LRMDA: variants seen among roughly 807,000 people sequenced by gnomAD.
LRMDA encodes the protein leucine-rich melanocyte differentiation-associated protein.
In LRMDA, 18 loss-of-function variants were observed where a neutral mutation model predicts 29.8. That is an observed-to-expected ratio of 0.60 (90% CI 0.42 to 0.90). LRMDA has a LOEUF of 0.90. Ranked by LOEUF, LRMDA falls within the 40% of genes least tolerant of loss-of-function variation. The pLI is 0.00. For synonymous variants in LRMDA, 125 were observed against 109.4 expected (o/e 1.14, Z -0.89); for missense variants, 273 against 273.9 (o/e 1.00, Z 0.02).
intron 6 of LRMDA, among the ~76,000 whole-genome samples, chr10:76,510,492 T>A (rs982281003): frequency 1.3e-5 from 2 of 152,150 alleles, no homozygotes; most frequent in South Asian, 2.1e-4. Context: ...TTGGAATCCT[T>A]CCTGATCTTA....
At chr10:76,460,912 A>G (rs1472924922) in intron 6 of LRMDA, among the ~76,000 whole-genome samples, 1 of 152,218 alleles carries the variant, frequency 6.6e-6, no homozygotes, top group Non-Finnish European at 1.5e-5. Flanking sequence ...ATTCATAGAT[A>G]AAAACTGCAT....
At chr10:76,495,069 A>C (rs1309043461) in intron 6 of LRMDA, among the ~76,000 whole-genome samples, 1 of 151,830 alleles carries the variant, frequency 6.6e-6, no homozygotes, top group Non-Finnish European at 1.5e-5. Context: ...ATCAACTCTA[A>C]GAACTCTTTT....
rs570962300 is a variant in LRMDA at position 75,796,818 on chromosome 10, G to A, written c.132-239190G>A. On this transcript the variant is annotated intron_variant, in intron 2 of 6. Transcript: ENST00000611255. ...GACCTCAGGTGATCCACCCGCCTTG[G>A]CCTCCCAAAGTGCTGGGATTACAGG... is the stretch of plus-strand genomic sequence containing the variant. Among the ~76,000 whole-genome samples the A allele has an allele frequency of 1.2e-4, 19 of 152,318 alleles. No individual in the cohort carries two copies. In the South Asian group the frequency reaches 3.9e-3, roughly 32 times the overall value.
chr10:75,917,055 T>G (rs766268509), intron 2 of LRMDA, among the ~76,000 whole-genome samples: 4 of 152,190 alleles, frequency 2.6e-5, no homozygotes, highest in Non-Finnish European at 5.9e-5. Context: ...TCCATGGTAT[T>G]TACATAAACC....
intron 2 of LRMDA, among the ~76,000 whole-genome samples, chr10:75,699,683 C>A (rs1435783508): frequency 4.6e-5 from 7 of 152,158 alleles, no homozygotes; most frequent in African/African-American, 1.7e-4. Flanking sequence ...TTCTTCCATA[C>A]GTACTGTGGT....
intron 2 of LRMDA, among the ~76,000 whole-genome samples, chr10:75,595,217 T>C (rs914753089): frequency 1.3e-5 from 2 of 152,204 alleles, no homozygotes; most frequent in Non-Finnish European, 2.9e-5. Context: ...CTTTTGGTCA[T>C]ACAAATAATT....
chr10:76,273,233 A>C (rs1401832105), intron 5 of LRMDA, among the ~76,000 whole-genome samples: 1 of 152,122 alleles, frequency 6.6e-6, no homozygotes, highest in African/African-American at 2.4e-5. Context: ...GCTTCATGGA[A>C]AGCTGTAGTG....
At chr10:76,534,936 G>A (rs573429655) in intron 6 of LRMDA, among the ~76,000 whole-genome samples, 68 of 152,248 alleles carry the variant, frequency 4.5e-4, no homozygotes, top group South Asian at 1.7e-3. Flanking sequence ...TGATATTTAT[G>A]TCTAAAATTA....
At chr10:75,761,876 C>G (rs912014189) in intron 2 of LRMDA, among the ~76,000 whole-genome samples, 1 of 150,148 alleles carries the variant, frequency 6.7e-6, no homozygotes, top group African/African-American at 2.5e-5. Flanking sequence ...TCTTGGCTCA[C>G]TGCCACCTCT....
intron 6 of LRMDA, among the ~76,000 whole-genome samples, chr10:76,531,196 C>G (rs1287837741): frequency 6.6e-6 from 1 of 152,094 alleles, no homozygotes; most frequent in Admixed American, 6.6e-5. Context: ...ATGGGAGAGA[C>G]CAGCCCCTGT....
chr10:75,584,518 G>A (rs751302894), intron 2 of LRMDA, among the ~76,000 whole-genome samples: 10 of 152,158 alleles, frequency 6.6e-5, no homozygotes, highest in Admixed American at 2.6e-4. Flanking sequence ...TGAATGTTTA[G>A]GTGGATGTGT....
In LRMDA at chr10:76,560,029, C is replaced by T. The variant is rs1843604036; in HGVS notation, c.*2741C>T. On this transcript the variant is annotated 3_prime_UTR_variant, in exon 7 of 7. Transcript: ENST00000611255. ...CATTTGCTTTTACTTTTACCAGCCTCACTCATAAACCCTCCATCTGTTTGT... is the reference window on the plus strand; with the variant it reads ...CATTTGCTTTTACTTTTACCAGCCTTACTCATAAACCCTCCATCTGTTTGT... The T allele has an allele frequency of 6.6e-6, 1 of 152,226 alleles. No individual in the cohort carries two copies. Among genetic ancestry groups the T allele is most frequent in the Admixed American group, 6.5e-5 (1 of 15,286 alleles). 9.4% of individuals were successfully genotyped at this position (152,226 alleles called of 1,614,324 possible).
intron 5 of LRMDA, among the ~76,000 whole-genome samples, chr10:76,229,718 C>A (rs530619675): frequency 2.6e-5 from 4 of 152,018 alleles, no homozygotes; most frequent in African/African-American, 9.7e-5. Flanking sequence ...GTATCTCTTC[C>A]GAGCCCGTGT....
At chr10:75,899,115 T>C (rs961816672) in intron 2 of LRMDA, among the ~76,000 whole-genome samples, 3 of 152,196 alleles carry the variant, frequency 2.0e-5, no homozygotes, top group African/African-American at 7.2e-5. Flanking sequence ...GACTTCTCGC[T>C]TATAGTAAAA....
At chr10:76,202,440 C>G (rs1851450445) in intron 5 of LRMDA, among the ~76,000 whole-genome samples, 1 of 152,128 alleles carries the variant, frequency 6.6e-6, no homozygotes, top group South Asian at 2.1e-4. Flanking sequence ...TTTCTGACTT[C>G]TTAATGGTGT....
At chr10:75,743,396 G>GC (rs1184874872) in intron 2 of LRMDA, 5 of 152,286 alleles carry the variant, frequency 3.3e-5, no homozygotes, top group Non-Finnish European at 4.4e-5. Flanking sequence ...CCTGGGATGA[G>GC]CCGTGAGTCC....
chr10:75,969,478 C>T (rs1158089677), intron 2 of LRMDA, among the ~76,000 whole-genome samples: 1 of 152,232 alleles, frequency 6.6e-6, no homozygotes, highest in Non-Finnish European at 1.5e-5. Context: ...CCCCCACTGG[C>T]ATGTACACCT....
intron 2 of LRMDA, among the ~76,000 whole-genome samples, chr10:75,969,341 GA>G (rs1483536472): frequency 2.6e-5 from 4 of 152,166 alleles, no homozygotes; most frequent in Non-Finnish European, 2.9e-5. Context: ...CCAATAATGA[GA>G]ATCCCTTTGA....
intron 1 of LRMDA, among the ~76,000 whole-genome samples, chr10:75,434,478 G>A (rs1393215908): frequency 6.6e-6 from 1 of 152,208 alleles, no homozygotes; most frequent in African/African-American, 2.4e-5. Flanking sequence ...AAACAGACTC[G>A]AAGATGGTGA....
Sources: gnomAD v4.1 joint callset for allele counts (sites outside exome capture counted in the v4.1 genomes callset) on GRCh38, gnomAD v4.1.1 for gene constraint, MANE v1.5 for transcripts, NCBI Gene and HGNC (gene_info 2026-07-23, HGNC 2026-07-21) for gene names.